Variants in ZFP91 observed in about 807,000 individuals in gnomAD.
The protein encoded by ZFP91 is ZFP91 zinc finger protein, atypical E3 ubiquitin ligase, also known as E3 ubiquitin-protein ligase ZFP91.
ZFP91 carries 7 observed loss-of-function variants against 63.5 expected under a neutral mutation model. That is an observed-to-expected ratio of 0.11 (90% CI 0.06 to 0.21). The LOEUF (loss-of-function observed/expected upper bound fraction) is 0.21. Among genes scored for constraint, ZFP91 ranks in the 10% least tolerant of loss-of-function variants. The pLI, the probability that ZFP91 is intolerant of heterozygous loss-of-function variation, is 1.00. For synonymous variants in ZFP91, 330 were observed against 272.1 expected, an observed-to-expected ratio of 1.21 and a Z score of -2.10; for missense variants, 628 against 736.6, an observed-to-expected ratio of 0.85 and a Z score of 1.71.
Position 58,579,290 on chromosome 11 carries a change from G to A in ZFP91, c.9G>A (p.Gly3=). The A allele has an allele frequency of 6.9e-7, 1 of 1,459,252 alleles. No individual in the cohort carries two copies. Among genetic ancestry groups the A allele is most frequent in the Non-Finnish European group, 9.0e-7 (1 of 1,113,228 alleles). The allele number at this position is 1,459,252 out of a possible 1,614,324, so 90.4% of individuals were successfully genotyped here. MP[G]ETEEPRPPEQ... ...GGGACGGACAAGCCCCGATGCCGGG[G>A]GAGACGGAAGAGCCGAGACCCCCGG... Residue 3 remains glycine (G), a synonymous_variant, in exon 1 of 11, where the codon GGG becomes GGA. Coordinates refer to ENST00000316059, the MANE Select transcript of ZFP91 (RefSeq NM_053023.5).
At chr11:58,605,089 G>A (rs895746877) in intron 2 of ZFP91, among the ~76,000 whole-genome samples, 1 of 151,804 alleles carries the variant, frequency 6.6e-6, no homozygotes, top group South Asian at 2.1e-4. Context: ...TTCATTTTCT[G>A]TATATTTTTA....
intron 1 of ZFP91, 135 bp from the exon 2 acceptor site, chr11:58,584,721 C>G: frequency 1.4e-6 from 1 of 732,542 alleles, no homozygotes; most frequent in South Asian, 2.1e-5. Flanking sequence ...GTTTCCATCA[C>G]TGCTGAAAAT....
intron 2 of ZFP91, among the ~76,000 whole-genome samples, chr11:58,594,161 A>G (rs1228445899): frequency 1.3e-5 from 2 of 152,190 alleles, no homozygotes; most frequent in Non-Finnish European, 2.9e-5. Flanking sequence ...AAATCCTGGA[A>G]GGACCTTGTT....
intron 9 of ZFP91, among the ~76,000 whole-genome samples, chr11:58,615,583 T>C (rs1590631048): frequency 1.3e-5 from 2 of 152,348 alleles, no homozygotes; most frequent in East Asian, 3.9e-4. Flanking sequence ...TTTGTCCTGC[T>C]ATGGAACTGG....
At chr11:58,612,167 T>C in intron 6 of ZFP91, 111 bp from the exon 7 acceptor site, 1 of 1,098,926 alleles carries the variant, frequency 9.1e-7, no homozygotes, top group Non-Finnish European at 1.3e-6. Context: ...TTCTTGGTTA[T>C]CCTTTGCCAC....
chr11:58,598,749 C>CGTGTGTGTGT (rs56110499), intron 2 of ZFP91, among the ~76,000 whole-genome samples: 62 of 120,904 alleles, frequency 5.1e-4, no homozygotes, highest in African/African-American at 1.6e-3. Context: ...CTTTTGTGCA[C>CGTGTGTGTGT]GTGTGTGTGT....
At position 58,614,212 on chromosome 11, in the gene ZFP91, C is replaced by CTTTTTT; in HGVS notation, c.988-17_988-16insTTTTTT. 6.7e-7 allele frequency: 1 copy of CTTTTTT among 1,503,750 alleles called. No individual in the cohort carries two copies. The highest frequency in any genetic ancestry group is 2.1e-5 in the Admixed American group (1 of 47,848). The allele number at this position is 1,503,750 out of a possible 1,614,324, so 93.2% of individuals were successfully genotyped here. ...TTAATTTTTTTTTTTTCGCCCCTTT[C>CTTTTTT]ACTTTCTCTGTTTTAGCACCACATT... On this transcript the variant is annotated splice_polypyrimidine_tract_variant and intron_variant, in intron 8 of 10. Transcript: ENST00000316059.
rs554111225 is a variant in ZFP91 at position 58,586,972 on chromosome 11, A to T, written c.370+2088A>T. On this transcript the variant is annotated intron_variant, in intron 2 of 10. Transcript: ENST00000316059. ...ACTCTTATTTACTCAAACCATCTAG[A>T]AATTGTATGCCTTCTTTGAGTTGAA... 2.5e-4 allele frequency among the ~76,000 whole-genome samples: 38 copies of T among 152,302 alleles called. No individual in the cohort carries two copies. In the South Asian group the frequency reaches 7.7e-3, roughly 31 times the overall value.
chr11:58,614,642 T>A (rs1460065798), intron 9 of ZFP91, among the ~76,000 whole-genome samples: 1 of 152,186 alleles, frequency 6.6e-6, no homozygotes, highest in African/African-American at 2.4e-5. Context: ...CTAATTAGTC[T>A]ATTCAACACC....
chr11:58,598,018 C>T (rs148288870), intron 2 of ZFP91, among the ~76,000 whole-genome samples: 1 of 152,216 alleles, frequency 6.6e-6, no homozygotes, highest in African/African-American at 2.4e-5. Flanking sequence ...TAAATTCACT[C>T]AGGTGGTGAT....
chr11:58,613,534 A>G (rs1754049465), intron 8 of ZFP91, among the ~76,000 whole-genome samples: 1 of 152,178 alleles, frequency 6.6e-6, no homozygotes, highest in Non-Finnish European at 1.5e-5. Flanking sequence ...TTTCGTTGGA[A>G]TCTTTCAATA....
At chr11:58,593,420 G>T (rs7944349) in intron 2 of ZFP91, among the ~76,000 whole-genome samples, 4,029 of 152,164 alleles carry the variant, frequency 0.026, 180 homozygotes, top group African/African-American at 0.092. Context: ...TTAGTGCTAC[G>T]CTTGTATATG....
At chr11:58,593,943 C>A (rs1466224223) in intron 2 of ZFP91, among the ~76,000 whole-genome samples, 1 of 152,142 alleles carries the variant, frequency 6.6e-6, no homozygotes, top group African/African-American at 2.4e-5. Context: ...CTAATTCTTT[C>A]CATATTCAGT....
chr11:58,594,063 C>T (rs963190465), intron 2 of ZFP91, among the ~76,000 whole-genome samples: 11 of 152,290 alleles, frequency 7.2e-5, no homozygotes, highest in African/African-American at 2.6e-4. Flanking sequence ...ATTGTCTAGC[C>T]TGCAGCCAAC....
intron 2 of ZFP91, among the ~76,000 whole-genome samples, chr11:58,604,743 A>AT (rs1326524258): frequency 6.6e-6 from 1 of 152,088 alleles, no homozygotes; most frequent in South Asian, 2.1e-4. Context: ...TCTTTTTTAA[A>AT]TTTTTTTATC....
At chr11:58,584,764 T>A in intron 1 of ZFP91, 92 bp from the exon 2 acceptor site, 1 of 1,177,136 alleles carries the variant, frequency 8.5e-7, no homozygotes, top group Non-Finnish European at 1.2e-6. Context: ...GATGCTTTCT[T>A]TATCACTCTG....
At chr11:58,598,907 T>C (rs118040096) in intron 2 of ZFP91, among the ~76,000 whole-genome samples, 33 of 152,010 alleles carry the variant, frequency 2.2e-4, no homozygotes, top group Non-Finnish European at 4.3e-4. Context: ...TTCCAAACAT[T>C]TTCATCACCA....
intron 2 of ZFP91, among the ~76,000 whole-genome samples, chr11:58,595,414 A>G (rs556933144): frequency 6.3e-4 from 96 of 152,300 alleles, no homozygotes; most frequent in African/African-American, 2.0e-3. Context: ...CTTCTAACTT[A>G]AAGTATTTTA....
chr11:58,616,482 G>A (rs980932796), intron 9 of ZFP91, among the ~76,000 whole-genome samples: 1 of 151,570 alleles, frequency 6.6e-6, no homozygotes, highest in Non-Finnish European at 1.5e-5. Flanking sequence ...TTTTTATCTA[G>A]TTTTTCTGTT....
Sources: gnomAD v4.1 joint callset for allele counts (sites outside exome capture counted in the v4.1 genomes callset) on GRCh38, gnomAD v4.1.1 for gene constraint, MANE v1.5 for transcripts, NCBI Gene and HGNC (gene_info 2026-07-23, HGNC 2026-07-21) for gene names.